The following ADAMTS3 variants were observed in gnomAD, a reference collection of about 807,000 sequenced individuals.
ADAMTS3 encodes A disintegrin and metalloproteinase with thrombospondin motifs 3.
A neutral mutation model predicts 129.0 loss-of-function variants in ADAMTS3; 73 were observed. That is an observed-to-expected ratio of 0.57 (90% confidence interval 0.47 to 0.69). The LOEUF (loss-of-function observed/expected upper bound fraction) is 0.69, where lower values mean the gene tolerates loss of function less well. ADAMTS3 is among the 30% of genes least tolerant of loss of function. The probability of loss-of-function intolerance (pLI) is 0.00; values close to 1 mark genes in which losing one functional copy is unlikely to be tolerated. For missense variants in ADAMTS3, 1,457 were observed against 1,514.5 expected, an observed-to-expected ratio of 0.96 and a Z score of 0.63; for synonymous variants, 477 against 510.8, an observed-to-expected ratio of 0.93 and a Z score of 0.89.
chr4:72,371,191 A>G (rs2109867055), intron 4 of ADAMTS3, among the ~76,000 whole-genome samples: 1 of 152,294 alleles, frequency 6.6e-6, no homozygotes, highest in South Asian at 2.1e-4. Flanking sequence ...TAGCCAACAG[A>G]CTATGAGAGA....
Position 72,569,107 on chromosome 4 carries a change from G to T in ADAMTS3, c.-345C>A. 1 of 328,928 alleles carries T rather than the reference G, an allele frequency of 3.0e-6. No homozygotes were observed. Among genetic ancestry groups the T allele is most frequent in the Non-Finnish European group, 5.6e-6 (1 of 178,140 alleles). 20.4% of individuals were successfully genotyped at this position (328,928 alleles called of 1,614,324 possible). On this transcript the variant is annotated 5_prime_UTR_variant, in exon 1 of 22. Coordinates refer to ENST00000286657, the MANE Select transcript of ADAMTS3 (RefSeq NM_014243.3). The stretch of plus-strand genomic sequence containing the variant: ...CTCTGCCCAAAGCAGCTTTTTCGAG[G>T]CTTTTCGAGCACCATTGGTCCCTAA...
intron 4 of ADAMTS3, among the ~76,000 whole-genome samples, chr4:72,365,395 TA>T (rs1317897475): frequency 1.3e-5 from 2 of 152,222 alleles, no homozygotes; most frequent in Non-Finnish European, 2.9e-5. Context: ...TTATGTTTTC[TA>T]AAACTCTTCA....
chr4:72,446,854 T>C (rs1055476861), intron 3 of ADAMTS3, among the ~76,000 whole-genome samples: 3 of 151,596 alleles, frequency 2.0e-5, no homozygotes, highest in Non-Finnish European at 4.4e-5. Flanking sequence ...TTTGGCTGAA[T>C]CATGCATGTA....
chr4:72,455,907 ACT>A (rs1165767049), intron 3 of ADAMTS3, among the ~76,000 whole-genome samples: 7 of 106,042 alleles, frequency 6.6e-5, no homozygotes, highest in South Asian at 5.2e-4. Context: ...TAGTATATAC[ACT>A]GTATATATAC....
In ADAMTS3 at chr4:72,542,416, A is replaced by G. The variant is rs977742240; in HGVS notation, c.504+6062T>C. The stretch of plus-strand genomic sequence containing the variant: ...CCTGACCTTGTGATCCGCCCGCCTC[A>G]GCCTCCCAAAGTGCTGGGATTACAG... On this transcript the variant is annotated intron_variant, in intron 3 of 21. Coordinates refer to ENST00000286657, the MANE Select transcript of ADAMTS3 (RefSeq NM_014243.3). 2.6e-5 allele frequency among the ~76,000 whole-genome samples: 4 copies of G among 152,222 alleles called. No homozygotes were observed. In the South Asian group the frequency reaches 6.2e-4, roughly 24 times the overall value.
intron 3 of ADAMTS3, among the ~76,000 whole-genome samples, chr4:72,445,358 T>C (rs1170785325): frequency 6.6e-6 from 1 of 151,736 alleles, no homozygotes; most frequent in Non-Finnish European, 1.5e-5. Flanking sequence ...AAAACTCTTC[T>C]CCTGAGTCTA....
At chr4:72,295,966 T>C (rs1450656901) in intron 18 of ADAMTS3, among the ~76,000 whole-genome samples, 180 bp from the exon 19 acceptor site, 1 of 151,984 alleles carries the variant, frequency 6.6e-6, no homozygotes, top group African/African-American at 2.4e-5. Context: ...AACAAAAACT[T>C]TTACCTTTTC....
In ADAMTS3 at chr4:72,417,696, C is replaced by T. The variant is rs188006028; in HGVS notation, c.505-2725G>A. 2.4e-3 allele frequency among the ~76,000 whole-genome samples: 362 copies of T among 151,814 alleles called. 1 individual carries two copies. Among genetic ancestry groups the T allele is most frequent in the East Asian group, 8.6e-3 (44 of 5,132 alleles). On this transcript the variant is annotated intron_variant, in intron 3 of 21. Transcript: ENST00000286657. ...CTGTAATCCCAGCATTTTGGGACGCCGAGATGGGCGGATCATGAAGTCAGG... is the reference window on the plus strand; with the variant it reads ...CTGTAATCCCAGCATTTTGGGACGCTGAGATGGGCGGATCATGAAGTCAGG...
At chr4:72,343,298 CT>C (rs1386230455) in intron 4 of ADAMTS3, among the ~76,000 whole-genome samples, 1 of 152,132 alleles carries the variant, frequency 6.6e-6, no homozygotes, top group Non-Finnish European at 1.5e-5. Context: ...CAGGTACCCC[CT>C]TTCCTATTGG....
chr4:72,377,356 G>A (rs1413185134), intron 4 of ADAMTS3, among the ~76,000 whole-genome samples: 8 of 152,098 alleles, frequency 5.3e-5, no homozygotes, highest in African/African-American at 7.2e-5. Context: ...TATTTAGTCC[G>A]TGTAAATGAA....
intron 9 of ADAMTS3, 102 bp from the exon 10 acceptor site, chr4:72,318,806 T>A: frequency 8.2e-7 from 1 of 1,223,212 alleles, no homozygotes; most frequent in Admixed American, 2.8e-5. Context: ...TAGAATTTCA[T>A]CCCAGATCAT....
intron 3 of ADAMTS3, among the ~76,000 whole-genome samples, chr4:72,415,866 G>A (rs965898674): frequency 2.0e-5 from 3 of 151,606 alleles, no homozygotes; most frequent in South Asian, 2.1e-4. Context: ...ACAATAATAC[G>A]AAATATTAAT....
chr4:72,543,709 G>A (rs1393840853), intron 3 of ADAMTS3, among the ~76,000 whole-genome samples: 4 of 152,108 alleles, frequency 2.6e-5, no homozygotes, highest in Non-Finnish European at 5.9e-5. Flanking sequence ...AGAGGCTATA[G>A]GGCGGTAGAA....
intron 3 of ADAMTS3, among the ~76,000 whole-genome samples, chr4:72,478,255 A>G (rs1458234797): frequency 6.6e-6 from 1 of 152,062 alleles, no homozygotes; most frequent in African/African-American, 2.4e-5. Context: ...AGAATTTTAG[A>G]CCAATATCCT....
chr4:72,475,530 G>C (rs1302923679), intron 3 of ADAMTS3, among the ~76,000 whole-genome samples: 1 of 151,824 alleles, frequency 6.6e-6, no homozygotes, highest in Non-Finnish European at 1.5e-5. Flanking sequence ...TGATAAAATT[G>C]AAAGAAGAAA....
chr4:72,508,591 G>A (rs72656044), intron 3 of ADAMTS3, among the ~76,000 whole-genome samples: 1 of 152,184 alleles, frequency 6.6e-6, no homozygotes, highest in Non-Finnish European at 1.5e-5. Flanking sequence ...TCATCTGGCT[G>A]ATTCAATCAT....
At chr4:72,529,978 A>AT (rs372655516) in intron 3 of ADAMTS3, among the ~76,000 whole-genome samples, 4,913 of 6,702 alleles carry the variant, frequency 0.73, 2,183 homozygotes, top group Middle Eastern at 1. Context: ...TTTATATATA[A>AT]ATATAATATA....
At chr4:72,522,499 G>A (rs553301283) in intron 3 of ADAMTS3, among the ~76,000 whole-genome samples, 98 of 152,238 alleles carry the variant, frequency 6.4e-4, no homozygotes, top group Admixed American at 1.6e-3. Context: ...ACAGTTAAGC[G>A]AGAGGAAACT....
chr4:72,323,984 G>A (rs1371020861), intron 5 of ADAMTS3, among the ~76,000 whole-genome samples: 1 of 151,770 alleles, frequency 6.6e-6, no homozygotes, highest in Non-Finnish European at 1.5e-5. Context: ...TTAACCTAGT[G>A]CAAAATTAGT....
Sources: gnomAD v4.1 joint callset for allele counts (sites outside exome capture counted in the v4.1 genomes callset) on GRCh38, gnomAD v4.1.1 for gene constraint, MANE v1.5 for transcripts, NCBI Gene and HGNC (gene_info 2026-07-23, HGNC 2026-07-21) for gene names.